Variants in TRPS1 observed in about 807,000 individuals in gnomAD.
TRPS1 encodes transcriptional repressor GATA binding 1.
In TRPS1, 6 loss-of-function variants were observed where a neutral mutation model predicts 101.2. The ratio of observed to expected loss-of-function variants is 0.06; its 90% CI spans 0.03 to 0.12. The LOEUF (loss-of-function observed/expected upper bound fraction) is 0.12. Among genes scored for constraint, TRPS1 ranks in the 10% least tolerant of loss-of-function variants. TRPS1 has a pLI of 1.00. For missense variants in TRPS1, 1,363 were observed against 1,567.0 expected, an observed-to-expected ratio of 0.87 and a Z score of 2.20; for synonymous variants, 578 against 589.8, an observed-to-expected ratio of 0.98 and a Z score of 0.29.
chr8:115,649,842 C>T (rs11989722), intron 1 of TRPS1, among the ~76,000 whole-genome samples: 23,425 of 152,178 alleles, frequency 0.15, 5,646 homozygotes, highest in African/African-American at 0.51. Flanking sequence ...AAGGGCACCA[C>T]GCAGCTTTAG....
intron 5 of TRPS1, among the ~76,000 whole-genome samples, chr8:115,507,306 A>T (rs1287263761): frequency 6.6e-6 from 1 of 152,060 alleles, no homozygotes; most frequent in Non-Finnish European, 1.5e-5. Flanking sequence ...AAAATATATA[A>T]GGGGTTTTCA....
intron 1 of TRPS1, among the ~76,000 whole-genome samples, chr8:115,642,481 T>C (rs1818923487): frequency 1.3e-5 from 2 of 152,124 alleles, no homozygotes. Context: ...ACTTCTTCCA[T>C]TATTTAAAAA....
intron 5 of TRPS1, among the ~76,000 whole-genome samples, chr8:115,474,615 G>A (rs1814553659): frequency 6.6e-6 from 1 of 151,936 alleles, no homozygotes; most frequent in South Asian, 2.1e-4. Context: ...TTTAAAAGTG[G>A]GCAGAAGTGA....
At chr8:115,462,476 T>C (rs1011595051) in intron 5 of TRPS1, among the ~76,000 whole-genome samples, 15 of 152,138 alleles carry the variant, frequency 9.9e-5, no homozygotes, top group Admixed American at 4.6e-4. Context: ...ATCTACCTCA[T>C]TGAATGGTGC....
intron 5 of TRPS1, among the ~76,000 whole-genome samples, chr8:115,420,569 G>T (rs1170184059): frequency 6.6e-6 from 1 of 152,114 alleles, no homozygotes; most frequent in East Asian, 1.9e-4. Flanking sequence ...TTATGCCCTG[G>T]GTGCTTGACA....
At chr8:115,624,539 T>C (rs1818464027) in intron 1 of TRPS1, among the ~76,000 whole-genome samples, 1 of 151,986 alleles carries the variant, frequency 6.6e-6, no homozygotes, top group Admixed American at 6.6e-5. Context: ...TTTCCCAAAA[T>C]ATTCTATTTG....
At chr8:115,600,791 G>A (rs1040710144) in intron 4 of TRPS1, among the ~76,000 whole-genome samples, 2 of 151,920 alleles carry the variant, frequency 1.3e-5, no homozygotes, top group African/African-American at 4.8e-5. Flanking sequence ...TTATAACACT[G>A]AAAATTTTGA....
At chr8:115,530,033 G>A (rs952394912) in intron 5 of TRPS1, among the ~76,000 whole-genome samples, 3 of 151,994 alleles carry the variant, frequency 2.0e-5, no homozygotes, top group African/African-American at 7.2e-5. Context: ...TGAATATCGG[G>A]TTCCTATATT....
At chr8:115,470,818 CTG>C (rs1814449927) in intron 5 of TRPS1, among the ~76,000 whole-genome samples, 1 of 152,182 alleles carries the variant, frequency 6.6e-6, no homozygotes. Flanking sequence ...TTTTACTACT[CTG>C]TATTCTGGGG....
intron 5 of TRPS1, among the ~76,000 whole-genome samples, chr8:115,438,978 T>C (rs2129869233): frequency 6.6e-6 from 1 of 152,288 alleles, no homozygotes; most frequent in East Asian, 1.9e-4. Flanking sequence ...CAGTCATGCA[T>C]TTTTCTATAA....
chr8:115,664,265 C>T (rs1018787546), intron 1 of TRPS1, among the ~76,000 whole-genome samples: 1 of 151,920 alleles, frequency 6.6e-6, no homozygotes, highest in African/African-American at 2.4e-5. Flanking sequence ...TAAAACAAAC[C>T]TCTACATAAT....
rs1354474179 is a variant in TRPS1, at chr8:115,619,550, C to T, written c.548G>A (p.Gly183Asp). The part of the protein sequence containing the change: ...ATEETGQAQS[G>D]QANCQGLSPV... The stretch of plus-strand genomic sequence containing the variant: ...GCTCAAACCTTGACAATTGGCTTGA[C>T]CACTCTGTGCTTGCCCTGTTTCCTC... The change falls in exon 3 of 7, where the codon GGT (glycine) becomes GAT (aspartate). Residue 183 changes from glycine to aspartate, a missense_variant. Gly to Asp is a moderately conservative substitution (Grantham distance 94, BLOSUM62 -1). Transcript: ENST00000395715. 3 of 1,614,024 alleles carry T rather than the reference C, an allele frequency of 1.9e-6. No homozygotes were observed. The highest frequency in any genetic ancestry group is 8.5e-7 in the Non-Finnish European group (1 of 1,180,032).
intron 5 of TRPS1, among the ~76,000 whole-genome samples, chr8:115,523,833 A>G (rs1815927728): frequency 6.6e-6 from 1 of 152,180 alleles, no homozygotes; most frequent in Non-Finnish European, 1.5e-5. Flanking sequence ...TGTTACTCAA[A>G]TGAAGTGAAT....
chr8:115,655,424 T>C (rs1405528065), intron 1 of TRPS1, among the ~76,000 whole-genome samples: 1 of 152,126 alleles, frequency 6.6e-6, no homozygotes, highest in East Asian at 1.9e-4. Flanking sequence ...CAAAGCAGAA[T>C]AGATGGGGGC....
rs970725997 is a variant in TRPS1, at chr8:115,408,873, A to T, written c.*5150T>A. On this transcript the variant is annotated 3_prime_UTR_variant, in exon 7 of 7. Transcript: ENST00000395715. ...ATGTGGTTGTCAAATAGTCCGCCCTAAGGAATTTGGCGTTTATTATTGTGA... is the reference window on the plus strand; with the variant it reads ...ATGTGGTTGTCAAATAGTCCGCCCTTAGGAATTTGGCGTTTATTATTGTGA... 2.6e-5 allele frequency: 4 copies of T among 152,168 alleles called. No homozygotes were observed. Among genetic ancestry groups the T allele is most frequent in the Non-Finnish European group, 5.9e-5 (4 of 67,888 alleles). 9.4% of individuals were successfully genotyped at this position (152,168 alleles called of 1,614,324 possible).
At chr8:115,657,222 A>C (rs1436653672) in intron 1 of TRPS1, among the ~76,000 whole-genome samples, 1 of 152,102 alleles carries the variant, frequency 6.6e-6, no homozygotes, top group African/African-American at 2.4e-5. Flanking sequence ...ATTTTCCTAG[A>C]CATGAAAGAT....
chr8:115,640,235 T>G lies in TRPS1; in HGVS notation c.-121-16477A>C, dbSNP rs185725989. Among the ~76,000 whole-genome samples the G allele has an allele frequency of 6.7e-4, 102 of 152,332 alleles. 2 individuals are homozygous for G. Among genetic ancestry groups the G allele is most frequent in the African/African-American group, 2.4e-3 (100 of 41,560 alleles). On this transcript the variant is annotated intron_variant, in intron 1 of 6. Coordinates refer to ENST00000395715, the MANE Select transcript of TRPS1 (RefSeq NM_014112.5). ...GGATTATTAATTTTATGTACCTCTT[T>G]CTACCTGAACCTGGTTTCTCCTAAT...
chr8:115,561,016 T>C (rs1816933488), intron 5 of TRPS1, among the ~76,000 whole-genome samples: 1 of 152,142 alleles, frequency 6.6e-6, no homozygotes, highest in African/African-American at 2.4e-5. Flanking sequence ...GCTTTATTTT[T>C]ATAAAGACAA....
At position 115,619,805 on chromosome 8, in the gene TRPS1, C is replaced by G. The variant is rs368855436; in HGVS notation, c.293G>C (p.Gly98Ala). The part of the protein sequence containing the change: ...LKSAVLSEKA[G>A]FNYESPSKGG... ...CTTACTGGGGCTTTCATAATTGAAG[C>G]CAGCCTTCTCACTCAGAACTGCGCT... Residue 98 changes from glycine (G) to alanine (A), a missense_variant, in exon 3 of 7, where the codon GGC (glycine) becomes GCC (alanine). By Grantham distance (60) the Gly-to-Ala change is moderately conservative (BLOSUM62 0). This residue lies in a region of TRPS1 where 1,020 missense variants were observed against 1,073.0 expected (regional missense o/e 0.95). Transcript: ENST00000395715. The G allele has an allele frequency of 1.2e-6, 2 of 1,614,184 alleles. No homozygotes were observed.
Sources: allele counts gnomAD v4.1 joint callset (sites outside exome capture counted in the v4.1 genomes callset), GRCh38; gene constraint gnomAD v4.1.1; regional missense constraint gnomAD v4.1.1; transcripts MANE v1.5; gene names NCBI Gene and HGNC (gene_info 2026-07-23, HGNC 2026-07-21).